BCAS1: variants seen among roughly 807,000 people sequenced by gnomAD.
BCAS1 encodes brain enriched myelin associated protein 1, also known as breast carcinoma-amplified sequence 1.
A neutral mutation model predicts 65.4 loss-of-function variants in BCAS1; 46 were observed. The observed-to-expected ratio is 0.70, with a 90% CI of 0.55 to 0.90. The LOEUF is 0.90. BCAS1 is among the 40% of genes least tolerant of loss of function. The pLI, the probability that BCAS1 is intolerant of heterozygous loss-of-function variation, is 0.00. For synonymous variants in BCAS1, 298 were observed against 293.5 expected (o/e 1.02, Z -0.16); for missense variants, 793 against 771.2 (o/e 1.03, Z -0.33).
intron 3 of BCAS1, among the ~76,000 whole-genome samples, chr20:54,048,127 T>C (rs962975632): frequency 2.2e-4 from 33 of 151,860 alleles, no homozygotes; most frequent in Admixed American, 1.7e-3. Context: ...AGGTGGAGAG[T>C]TGAGGATAGG....
intron 4 of BCAS1, among the ~76,000 whole-genome samples, chr20:53,998,658 A>C (rs923607061): frequency 6.6e-6 from 1 of 152,234 alleles, no homozygotes; most frequent in African/African-American, 2.4e-5. Flanking sequence ...ATTCAACATG[A>C]GATTTAGGTA....
At chr20:54,065,898 C>A (rs1428921811) in intron 1 of BCAS1, among the ~76,000 whole-genome samples, 22 of 152,236 alleles carry the variant, frequency 1.4e-4, no homozygotes. Context: ...TGGTGCACAG[C>A]AGCTGAGGAA....
At position 54,038,079 on chromosome 20, in the gene BCAS1, C is replaced by T. The variant is rs1280094227; in HGVS notation, c.143-9107G>A. Among the ~76,000 whole-genome samples, 2 of 151,362 alleles carry T rather than the reference C, an allele frequency of 1.3e-5. 1 individual carries two copies. Among genetic ancestry groups the T allele is most frequent in the Non-Finnish European group, 3.0e-5 (2 of 67,612 alleles). On this transcript the variant is annotated intron_variant, in intron 3 of 12. Coordinates refer to ENST00000688948, the MANE Select transcript of BCAS1 (RefSeq NM_001366298.2). The stretch of plus-strand genomic sequence containing the variant: ...TCCAAACTCTCTACTATGGGCCACA[C>T]CCTCCAGAACTTCAGCTCGTACTAT...
chr20:53,993,509 T>C (rs1187710244), intron 6 of BCAS1, among the ~76,000 whole-genome samples: 3 of 152,204 alleles, frequency 2.0e-5, no homozygotes, highest in Non-Finnish European at 4.4e-5. Flanking sequence ...CACAGCTTCC[T>C]GGGCAGGACG....
At chr20:53,984,126 C>T (rs2090553323) in intron 8 of BCAS1, among the ~76,000 whole-genome samples, 1 of 152,130 alleles carries the variant, frequency 6.6e-6, no homozygotes, top group African/African-American at 2.4e-5. Flanking sequence ...TCCTAAGACA[C>T]CTTGAATATG....
intron 9 of BCAS1, among the ~76,000 whole-genome samples, chr20:53,973,697 G>A (rs886994904): frequency 1.3e-5 from 2 of 152,150 alleles, no homozygotes; most frequent in African/African-American, 4.8e-5. Context: ...GTAGGTTGCG[G>A]GAATAGAAAC....
chr20:54,022,782 C>A (rs988025315), intron 4 of BCAS1, among the ~76,000 whole-genome samples: 1 of 152,120 alleles, frequency 6.6e-6, no homozygotes, highest in African/African-American at 2.4e-5. Flanking sequence ...TAAAATGGGG[C>A]TATTATTGTC....
intron 10 of BCAS1, among the ~76,000 whole-genome samples, 183 bp downstream of exon 10, chr20:53,966,723 A>C (rs2090038849): frequency 6.6e-6 from 1 of 152,216 alleles, no homozygotes; most frequent in Admixed American, 6.5e-5. Flanking sequence ...ATAAACTGAG[A>C]CTTTCTGTAT....
intron 12 of BCAS1, among the ~76,000 whole-genome samples, chr20:53,950,874 C>CTA (rs1217533249): frequency 8.8e-6 from 1 of 113,300 alleles, no homozygotes; most frequent in Non-Finnish European, 1.9e-5. Context: ...GTGAAAGCAG[C>CTA]TAGACAACAT....
intron 9 of BCAS1, among the ~76,000 whole-genome samples, chr20:53,972,636 T>A (rs933482509): frequency 3.3e-5 from 5 of 152,122 alleles, no homozygotes; most frequent in East Asian, 1.9e-4. Context: ...TCTTTTTAAA[T>A]TTTTTTTCAA....
chr20:54,041,736 C>G (rs2091996705), intron 3 of BCAS1, among the ~76,000 whole-genome samples: 5 of 151,422 alleles, frequency 3.3e-5, no homozygotes. Context: ...CAAAACAAAA[C>G]AAAACACCAA....
chr20:53,959,579 G>T (rs2089812703), intron 10 of BCAS1, among the ~76,000 whole-genome samples: 3 of 152,050 alleles, frequency 2.0e-5, no homozygotes, highest in Admixed American at 1.3e-4. Context: ...AAATTTTTTT[G>T]CAGAGACAGA....
At chr20:54,016,838 T>C (rs887132342) in intron 4 of BCAS1, among the ~76,000 whole-genome samples, 2 of 152,178 alleles carry the variant, frequency 1.3e-5, no homozygotes, top group African/African-American at 4.8e-5. Flanking sequence ...AGAGAGGCAA[T>C]GTTAATTTCA....
At chr20:53,970,755 T>A (rs1290317886) in intron 9 of BCAS1, among the ~76,000 whole-genome samples, 4 of 152,222 alleles carry the variant, frequency 2.6e-5, no homozygotes, top group African/African-American at 9.6e-5. Context: ...TATACAGTTT[T>A]TACTAGAGCT....
chr20:54,013,434 A>G (rs562338470), intron 4 of BCAS1, among the ~76,000 whole-genome samples: 144 of 152,250 alleles, frequency 9.5e-4, no homozygotes, highest in Non-Finnish European at 1.6e-3. Flanking sequence ...ATGTTTACAA[A>G]AACATTCATT....
rs1444418635 is a variant in BCAS1, at chr20:53,953,423, T to C, written c.1815+9A>G. ...GCCCAGAAAGAAGAGGCAAAAAAAA[T>C]CCACCTACCAGGCCTTTAAAGAAGC... On this transcript the variant is annotated intron_variant, in intron 12 of 12. Transcript: ENST00000688948. The C allele has an allele frequency of 6.2e-7, 1 of 1,612,026 alleles. No individual in the cohort carries two copies. Among genetic ancestry groups the C allele is most frequent in the Non-Finnish European group, 8.5e-7 (1 of 1,179,112 alleles).
intron 1 of BCAS1, among the ~76,000 whole-genome samples, chr20:54,067,339 G>A (rs2092456827): frequency 6.6e-6 from 1 of 151,276 alleles, no homozygotes; most frequent in Non-Finnish European, 1.5e-5. Flanking sequence ...TCACACCGCT[G>A]CACTCCAGCC....
chr20:54,027,963 A>G (rs750941166), intron 4 of BCAS1, among the ~76,000 whole-genome samples: 5 of 152,226 alleles, frequency 3.3e-5, no homozygotes, highest in Non-Finnish European at 5.9e-5. Flanking sequence ...TCAGGCTATT[A>G]ACAGTAAGGG....
chr20:53,964,364 T>C (rs1367013033), intron 10 of BCAS1, among the ~76,000 whole-genome samples: 1 of 152,174 alleles, frequency 6.6e-6, no homozygotes, highest in Non-Finnish European at 1.5e-5. Context: ...TTAATCACAG[T>C]ATAAATATAG....
Sources: gnomAD v4.1 joint callset for allele counts (sites outside exome capture counted in the v4.1 genomes callset) on GRCh38, gnomAD v4.1.1 for gene constraint, MANE v1.5 for transcripts, NCBI Gene and HGNC (gene_info 2026-07-23, HGNC 2026-07-21) for gene names.